AGMO: variants seen among roughly 807,000 people sequenced by gnomAD.
AGMO encodes alkylglycerol monooxygenase, also known as glyceryl-ether monooxygenase.
AGMO carries 75 observed loss-of-function variants against 60.2 expected under a neutral mutation model. That is an observed-to-expected ratio of 1.25 (90% CI 1.03 to 1.51). AGMO has a LOEUF of 1.51. Ranked by LOEUF, AGMO falls within the 40% of genes most tolerant of loss-of-function variation. The pLI is 0.00. For synonymous variants in AGMO, 261 were observed against 177.1 expected (o/e 1.47, Z -3.76); for missense variants, 763 against 525.5 (o/e 1.45, Z -4.42).
chr7:15,316,443 T>A (rs778450677), intron 12 of AGMO, among the ~76,000 whole-genome samples: 1 of 152,130 alleles, frequency 6.6e-6, no homozygotes, highest in Non-Finnish European at 1.5e-5. Context: ...AAAGTACTCA[T>A]TGAGTCTGAA....
the AGMO span, among the ~76,000 whole-genome samples, chr7:15,142,994 A>C: frequency 6.6e-6 from 1 of 152,204 alleles, no homozygotes; most frequent in East Asian, 1.9e-4. Context: ...TTGATCTCAC[A>C]GTTACTAAAC....
At chr7:15,490,842 T>C (rs965907561) in intron 3 of AGMO, among the ~76,000 whole-genome samples, 1 of 152,204 alleles carries the variant, frequency 6.6e-6, no homozygotes, top group African/African-American at 2.4e-5. Context: ...CAGAAACTTA[T>C]GTTTAAAAAG....
At chr7:15,333,973 G>A (rs1364031631) in intron 12 of AGMO, among the ~76,000 whole-genome samples, 6 of 152,058 alleles carry the variant, frequency 3.9e-5, no homozygotes, top group Non-Finnish European at 8.8e-5. Context: ...TAGAATACAA[G>A]TAAGTCCAAA....
chr7:15,432,414 A>T (rs945864214), intron 3 of AGMO, among the ~76,000 whole-genome samples: 1 of 130,252 alleles, frequency 7.7e-6, no homozygotes, highest in Non-Finnish European at 1.7e-5. Context: ...ATTGCTTTCA[A>T]AATGAAAGTT....
intron 10 of AGMO, among the ~76,000 whole-genome samples, chr7:15,375,524 G>T (rs1783415895): frequency 6.6e-6 from 1 of 151,070 alleles, no homozygotes. Context: ...AGCCTCCAGA[G>T]TAGCTGGGAT....
intron 12 of AGMO, among the ~76,000 whole-genome samples, chr7:15,213,568 A>C (rs1307877995): frequency 6.6e-6 from 1 of 151,926 alleles, no homozygotes; most frequent in Non-Finnish European, 1.5e-5. Context: ...CAGTAAAAAA[A>C]CCCTGAAAAA....
chr7:15,446,476 C>T (rs957114902), intron 3 of AGMO, among the ~76,000 whole-genome samples: 2 of 152,152 alleles, frequency 1.3e-5, no homozygotes, highest in Admixed American at 1.3e-4. Context: ...TGACGCTGCA[C>T]ACCATGTGAA....
downstream of AGMO, among the ~76,000 whole-genome samples, chr7:15,199,313 G>A (rs542606282): frequency 3.9e-5 from 6 of 152,244 alleles, no homozygotes; most frequent in East Asian, 1.2e-3. Context: ...AAACCCAAGA[G>A]AGAAGAGAGA....
Position 15,411,465 on chromosome 7 carries a change from A to T in AGMO, c.609+7093T>A, listed in dbSNP as rs187819514. 3.7e-3 allele frequency among the ~76,000 whole-genome samples: 559 copies of T among 152,174 alleles called. 4 individuals carry two copies. Among genetic ancestry groups the T allele is most frequent in the African/African-American group, 0.013 (534 of 41,548 alleles). ...ACTTTAATCCCAAAGGCCACAAAAT[A>T]AAAAATGCAGTTTACATTAATGAAA... On this transcript the variant is annotated intron_variant, in intron 5 of 12. Transcript: ENST00000342526.
chr7:15,128,491 T>C, the AGMO span, among the ~76,000 whole-genome samples: 1 of 152,104 alleles, frequency 6.6e-6, no homozygotes, highest in Non-Finnish European at 1.5e-5. Flanking sequence ...TGATAATTCA[T>C]TTGAATGCGT....
intron 12 of AGMO, among the ~76,000 whole-genome samples, chr7:15,279,242 A>AG (rs1249722300): frequency 6.6e-6 from 1 of 152,090 alleles, no homozygotes; most frequent in Non-Finnish European, 1.5e-5. Context: ...TCCCTGCATT[A>AG]GGGGTCCTCT....
intron 12 of AGMO, among the ~76,000 whole-genome samples, chr7:15,242,373 A>G (rs1037202960): frequency 6.6e-6 from 1 of 152,206 alleles, no homozygotes; most frequent in South Asian, 2.1e-4. Context: ...CCATCCATAG[A>G]CAAGTACTTC....
intron 10 of AGMO, among the ~76,000 whole-genome samples, chr7:15,378,981 G>T (rs752904121): frequency 1.3e-5 from 2 of 151,948 alleles, no homozygotes; most frequent in East Asian, 3.9e-4. Flanking sequence ...CAATTACATG[G>T]AAACTGAATA....
chr7:15,236,735 G>A (rs563879855), intron 12 of AGMO, among the ~76,000 whole-genome samples: 2 of 151,968 alleles, frequency 1.3e-5, no homozygotes, highest in Non-Finnish European at 2.9e-5. Flanking sequence ...TCTACTGGAA[G>A]TTGCCTAATT....
intron 3 of AGMO, among the ~76,000 whole-genome samples, chr7:15,442,360 C>A (rs1781580561): frequency 6.6e-6 from 1 of 152,120 alleles, no homozygotes; most frequent in Non-Finnish European, 1.5e-5. Flanking sequence ...AGGTGGCATA[C>A]TAATGACTAT....
At chr7:15,238,245 G>C (rs1021632749) in intron 12 of AGMO, among the ~76,000 whole-genome samples, 1 of 151,820 alleles carries the variant, frequency 6.6e-6, no homozygotes, top group African/African-American at 2.4e-5. Context: ...ACACGTGTGT[G>C]TATTTTTAAA....
intron 2 of AGMO, among the ~76,000 whole-genome samples, chr7:15,546,502 T>C (rs1002746711): frequency 6.6e-6 from 1 of 152,184 alleles, no homozygotes; most frequent in Non-Finnish European, 1.5e-5. Flanking sequence ...CATGGGCCTG[T>C]TTGCTGAGCC....
intron 12 of AGMO, among the ~76,000 whole-genome samples, chr7:15,214,134 A>G (rs1265922001): frequency 6.6e-6 from 1 of 152,020 alleles, no homozygotes; most frequent in Non-Finnish European, 1.5e-5. Flanking sequence ...AAATTACTAG[A>G]ATTTCTAAAA....
intron 5 of AGMO, among the ~76,000 whole-genome samples, chr7:15,410,226 A>T (rs1784802405): frequency 6.6e-6 from 1 of 151,740 alleles, no homozygotes; most frequent in African/African-American, 2.4e-5. Flanking sequence ...TATGTACATA[A>T]GACTAGGATA....
Sources: allele counts gnomAD v4.1 joint callset (sites outside exome capture counted in the v4.1 genomes callset), GRCh38; gene constraint gnomAD v4.1.1; transcripts MANE v1.5; gene names NCBI Gene and HGNC (gene_info 2026-07-23, HGNC 2026-07-21).